KIF26B: variants seen among roughly 807,000 people sequenced by gnomAD.
KIF26B encodes kinesin-like protein KIF26B.
In KIF26B, 63 loss-of-function variants were observed where a neutral mutation model predicts 151.2. The ratio of observed to expected loss-of-function variants is 0.42; its 90% CI spans 0.34 to 0.51. The LOEUF is 0.51. KIF26B is among the 20% of genes least tolerant of loss of function. The pLI, the probability that KIF26B is intolerant of heterozygous loss-of-function variation, is 0.07. For synonymous variants in KIF26B, 1,357 were observed against 1,262.1 expected (o/e 1.08, Z -1.59); for missense variants, 2,813 against 2,913.6 (o/e 0.97, Z 0.79).
chr1:245,190,393 T>C (rs1669078832), intron 2 of KIF26B, among the ~76,000 whole-genome samples: 1 of 152,140 alleles, frequency 6.6e-6, no homozygotes, highest in Admixed American at 6.5e-5. Flanking sequence ...CCTGTAACAC[T>C]GGCTGCAGGG....
intron 4 of KIF26B, among the ~76,000 whole-genome samples, chr1:245,506,876 C>T (rs1660736684): frequency 1.3e-5 from 2 of 152,176 alleles, no homozygotes; most frequent in Admixed American, 6.5e-5. Context: ...GATTGGCTTT[C>T]ACCATGTTGA....
rs1159934380 is a variant in KIF26B, at chr1:245,609,286, G to A, written c.1672G>A (p.Gly558Arg). ...AKLGKSYTMI[G>R]KDDSMQNLGI... ...CCCAGGAAAATCCTACACCATGATC[G>A]GAAAGGATGATTCCATGCAGAACCT... is the stretch of plus-strand genomic sequence containing the variant. Residue 558 changes from glycine (G) to arginine (R), a missense_variant, in exon 8 of 15, where the codon GGA (glycine) becomes AGA (arginine). Coordinates refer to ENST00000407071, the MANE Select transcript of KIF26B (RefSeq NM_018012.4). The A allele has an allele frequency of 7.5e-6, 12 of 1,605,792 alleles. No homozygotes were observed. Among genetic ancestry groups the A allele is most frequent in the Non-Finnish European group, 1.0e-5 (12 of 1,175,382 alleles).
At chr1:245,188,022 G>A (rs748244598) in intron 2 of KIF26B, among the ~76,000 whole-genome samples, 2 of 152,122 alleles carry the variant, frequency 1.3e-5, no homozygotes, top group Non-Finnish European at 1.5e-5. Context: ...GCTCATGCCT[G>A]TAATCCCAGC....
intron 2 of KIF26B, among the ~76,000 whole-genome samples, chr1:245,297,703 A>G (rs1332130062): frequency 6.6e-6 from 1 of 152,182 alleles, no homozygotes; most frequent in Non-Finnish European, 1.5e-5. Context: ...TCAAACATTT[A>G]TGGGTTTACT....
At chr1:245,335,713 G>A (rs1396131771) in intron 2 of KIF26B, among the ~76,000 whole-genome samples, 1 of 150,288 alleles carries the variant, frequency 6.7e-6, no homozygotes, top group Non-Finnish European at 1.5e-5. Flanking sequence ...TCCCACGTGG[G>A]GAAAGAAGAG....
At position 245,540,957 on chromosome 1, in the gene KIF26B, C is replaced by T; in HGVS notation, c.1350+7C>T. 5 of 1,601,304 alleles carry T rather than the reference C, an allele frequency of 3.1e-6. No homozygotes were observed. Among genetic ancestry groups the T allele is most frequent in the Non-Finnish European group, 4.3e-6 (5 of 1,171,294 alleles). On this transcript the variant is annotated splice_region_variant and intron_variant, in intron 5 of 14. Coordinates refer to ENST00000407071, the MANE Select transcript of KIF26B (RefSeq NM_018012.4). The surrounding 1 kb of genome is among the most constrained non-coding windows in gnomAD (Gnocchi z 4.6). ...CACCCCGGGGCTGGGCAAGGTAGGA[C>T]CATCCGCCGTCCCTGCCATTTGCCC...
At chr1:245,258,709 G>A (rs1209623069) in intron 2 of KIF26B, among the ~76,000 whole-genome samples, 1 of 152,086 alleles carries the variant, frequency 6.6e-6, no homozygotes, top group African/African-American at 2.4e-5. Flanking sequence ...GGTTTGCCAA[G>A]GATAACCATA....
At chr1:245,276,497 C>T (rs1450655789) in intron 2 of KIF26B, among the ~76,000 whole-genome samples, 1 of 152,196 alleles carries the variant, frequency 6.6e-6, no homozygotes, top group South Asian at 2.1e-4. Context: ...AAACCATTTC[C>T]TTTATTCTCA....
At chr1:245,379,697 G>GC (rs1673359619) in intron 3 of KIF26B, among the ~76,000 whole-genome samples, 1 of 151,680 alleles carries the variant, frequency 6.6e-6, no homozygotes, top group Admixed American at 6.6e-5. Context: ...TCGGCTGGTC[G>GC]CGGTGGCTCA....
At chr1:245,185,377 A>T (rs866826949) in intron 2 of KIF26B, among the ~76,000 whole-genome samples, 1 of 152,038 alleles carries the variant, frequency 6.6e-6, no homozygotes, top group South Asian at 2.1e-4. Flanking sequence ...GACCTCAGGT[A>T]ATCAGGTGGC....
At chr1:245,662,117 T>TAC (rs1318435940) in intron 10 of KIF26B, among the ~76,000 whole-genome samples, 1 of 145,858 alleles carries the variant, frequency 6.9e-6, no homozygotes, top group Non-Finnish European at 1.5e-5. Context: ...TATATATATA[T>TAC]ACCCAATGAT....
chr1:245,483,765 G>A (rs1297030325), intron 4 of KIF26B, among the ~76,000 whole-genome samples: 2 of 151,740 alleles, frequency 1.3e-5, no homozygotes, highest in African/African-American at 2.4e-5. Context: ...GCAGATTTTT[G>A]TCAGGTTTGG....
chr1:245,398,235 G>C (rs760216212), intron 3 of KIF26B, among the ~76,000 whole-genome samples: 7 of 152,250 alleles, frequency 4.6e-5, no homozygotes, highest in Middle Eastern at 3.4e-3. Context: ...GAGGTGGTGG[G>C]AAGCAATAAA....
intron 2 of KIF26B, among the ~76,000 whole-genome samples, chr1:245,210,928 C>T (rs1669507658): frequency 6.6e-6 from 1 of 152,166 alleles, no homozygotes. Flanking sequence ...CACCCATTAT[C>T]CTTTACCACT....
chr1:245,508,124 A>G (rs907503149), intron 4 of KIF26B, among the ~76,000 whole-genome samples: 1 of 152,174 alleles, frequency 6.6e-6, no homozygotes, highest in African/African-American at 2.4e-5. Context: ...AACTAAGAAA[A>G]CAGTGTTTGA....
intron 4 of KIF26B, among the ~76,000 whole-genome samples, chr1:245,435,077 ATCCATCCATCCATCCATCTC>A (rs1658879335): frequency 2.0e-5 from 3 of 150,334 alleles, no homozygotes; most frequent in South Asian, 4.3e-4. Flanking sequence ...CCATCCATCC[ATCCATCCATCCATCCATCTC>A]TCCATCCATC....
rs1230477981 is a variant in KIF26B at position 245,156,699 on chromosome 1, G to T, written c.465+16G>T. 6 of 1,436,330 alleles carry T rather than the reference G, an allele frequency of 4.2e-6. No individual in the cohort carries two copies. The highest frequency in any genetic ancestry group is 5.4e-6 in the Non-Finnish European group (6 of 1,102,270). The allele number at this position is 1,436,330 out of a possible 1,614,324, so 89.0% of individuals were successfully genotyped here. On this transcript the variant is annotated intron_variant, in intron 2 of 14. Coordinates refer to ENST00000407071, the MANE Select transcript of KIF26B (RefSeq NM_018012.4). ...CCCGGGCAAGGTGAGCGCCGCGCGG[G>T]GCTGGCTGGGGAGGCGCCGGGAGGG...
chr1:245,686,929 T>G lies in KIF26B; in HGVS notation c.3946T>G (p.Ser1316Ala). ...HGEAMAEPVASEFVSSLQNTA... is the reference protein window; with the variant it reads ...HGEAMAEPVAAEFVSSLQNTA... Reference sequence around the variant, plus strand: ...GGAGGCAATGGCAGAACCTGTGGCCTCGGAGTTTGTCAGCAGCCTCCAGAA... The same window carrying G: ...GGAGGCAATGGCAGAACCTGTGGCCGCGGAGTTTGTCAGCAGCCTCCAGAA... The change falls in exon 12 of 15, where the codon TCG becomes GCG. Residue 1316 changes from serine (S) to alanine (A), a missense_variant. Physicochemically the swap from Ser to Ala is moderately conservative, Grantham distance 99. Coordinates refer to ENST00000407071, the MANE Select transcript of KIF26B (RefSeq NM_018012.4). The surrounding 1 kb of genome is among the most constrained non-coding windows in gnomAD (Gnocchi z 5.6). 1 of 1,613,294 alleles carries G rather than the reference T, an allele frequency of 6.2e-7. No homozygotes were observed. Among genetic ancestry groups the G allele is most frequent in the Non-Finnish European group, 8.5e-7 (1 of 1,179,740 alleles).
chr1:245,707,176 T>C lies in KIF26B; in HGVS notation c.*4570T>C, dbSNP rs1047854689. 4.6e-5 allele frequency: 7 copies of C among 152,254 alleles called. No individual in the cohort carries two copies. Among genetic ancestry groups the C allele is most frequent in the African/African-American group, 1.4e-4 (6 of 41,468 alleles). 9.4% of individuals were successfully genotyped at this position (152,254 alleles called of 1,614,324 possible). A position where few individuals can be genotyped will look rare whatever the true frequency, so the allele number is the denominator to read the frequency against. ...TATCCCTCCCTAAACAAACACATTC[T>C]GCTTTTGGGTGGCCCTACCCAGAAC... On this transcript the variant is annotated 3_prime_UTR_variant, in exon 15 of 15. Transcript: ENST00000407071.
Sources: allele counts gnomAD v4.1 joint callset (sites outside exome capture counted in the v4.1 genomes callset), GRCh38; gene constraint gnomAD v4.1.1; non-coding constraint Gnocchi (gnomAD v3.1); transcripts MANE v1.5; gene names NCBI Gene and HGNC (gene_info 2026-07-23, HGNC 2026-07-21).